GRAMD1B: variants seen among roughly 807,000 people sequenced by gnomAD.
GRAMD1B encodes the protein GRAM domain containing 1B.
Under a neutral mutation model 99.7 loss-of-function variants are expected in GRAMD1B, and 37 were observed. That is an observed-to-expected ratio of 0.37 (90% CI 0.29 to 0.49). The LOEUF is 0.49. Among genes scored for constraint, GRAMD1B ranks in the 20% least tolerant of loss-of-function variants. The pLI, the probability that GRAMD1B is intolerant of heterozygous loss-of-function variation, is 0.98. For missense variants in GRAMD1B, 888 were observed against 1,009.2 expected (o/e 0.88, Z 1.63); for synonymous variants, 427 against 387.6 (o/e 1.10, Z -1.19).
Position 123,610,342 on chromosome 11 carries a change from T to C in GRAMD1B, c.1919+4T>C. The C allele has an allele frequency of 6.2e-7, 1 of 1,613,758 alleles. No individual in the cohort carries two copies. Among genetic ancestry groups the C allele is most frequent in the Non-Finnish European group, 8.5e-7 (1 of 1,179,778 alleles). ...CTCGGAACAAGAGCCGACTCAGGTG[T>C]GGTGTGTGGAAGTCCCAGTGCGGTC... On this transcript the variant is annotated splice_donor_region_variant and intron_variant, in intron 14 of 19. Coordinates refer to ENST00000635736, the MANE Select transcript of GRAMD1B (RefSeq NM_001387025.1). The surrounding 1 kb of genome is among the most constrained non-coding windows in gnomAD (Gnocchi z 4.1).
chr11:123,502,699 C>T (rs540776414), intron 2 of GRAMD1B, among the ~76,000 whole-genome samples: 12 of 147,858 alleles, frequency 8.1e-5, no homozygotes, highest in African/African-American at 2.2e-4. Context: ...TGCTTGAACC[C>T]GGGAGGCGGA....
In GRAMD1B at chr11:123,587,972, T is replaced by A. The variant is rs140515495; in HGVS notation, c.684+3640T>A. Among the ~76,000 whole-genome samples, 1 of 152,104 alleles carries A rather than the reference T, an allele frequency of 6.6e-6. No individual in the cohort carries two copies. Among genetic ancestry groups the A allele is most frequent in the East Asian group, 1.9e-4 (1 of 5,156 alleles). On this transcript the variant is annotated intron_variant, in intron 4 of 19. Transcript: ENST00000635736. This position sits in a 1 kb window ranked among gnomAD's most constrained non-coding sequence, Gnocchi z 4.2. Reference sequence around the variant, plus strand: ...TGAAGGGTCTTCCTGCCTCCCTTCCTGAGTTTTTCAGATGAGCCCCCAGCC... The same window carrying A: ...TGAAGGGTCTTCCTGCCTCCCTTCCAGAGTTTTTCAGATGAGCCCCCAGCC...
In GRAMD1B at chr11:123,627,147, G is replaced by T. The variant is rs970387780; in HGVS notation, c.*4552G>T. On this transcript the variant is annotated 3_prime_UTR_variant, in exon 20 of 20. Coordinates refer to ENST00000635736, the MANE Select transcript of GRAMD1B (RefSeq NM_001387025.1). ...GCTGACGATCTCCCCAACATCTGAA[G>T]GCTTAAAGAACATTGTCGTTCTTCA... 4 of 152,220 alleles carry T rather than the reference G, an allele frequency of 2.6e-5. No homozygotes were observed. Among genetic ancestry groups the T allele is most frequent in the African/African-American group, 9.7e-5 (4 of 41,438 alleles). 9.4% of individuals were successfully genotyped at this position (152,220 alleles called of 1,614,324 possible).
intron 2 of GRAMD1B, among the ~76,000 whole-genome samples, chr11:123,522,594 C>T (rs1246378765): frequency 1.3e-5 from 2 of 152,208 alleles, no homozygotes; most frequent in Admixed American, 6.5e-5. Flanking sequence ...GCTAGGATTA[C>T]AGGTGTGAGC....
intron 1 of GRAMD1B, among the ~76,000 whole-genome samples, chr11:123,472,192 C>T (rs546630807): frequency 1.3e-5 from 2 of 150,010 alleles, no homozygotes; most frequent in African/African-American, 2.5e-5. Flanking sequence ...CATGCCACTG[C>T]ACTCCAGCCT....
intron 1 of GRAMD1B, among the ~76,000 whole-genome samples, chr11:123,435,128 C>T (rs551369436): frequency 6.6e-6 from 1 of 152,330 alleles, no homozygotes; most frequent in South Asian, 2.1e-4. Context: ...TGGAGCAGCA[C>T]CTGAGCCTCC....
At chr11:123,617,578 T>C (rs12224033) in intron 17 of GRAMD1B, among the ~76,000 whole-genome samples, 37,591 of 151,592 alleles carry the variant, frequency 0.25, 5,318 homozygotes, top group South Asian at 0.43. Flanking sequence ...GTAGGGCCTG[T>C]GGTGTGCCGG....
chr11:123,363,589 T>TTG lies in GRAMD1B; in HGVS notation c.-176+4791_-176+4792insGT, dbSNP rs201205578. Among the ~76,000 whole-genome samples the TTG allele has an allele frequency of 5.8e-3, 879 of 152,104 alleles. 6 individuals are homozygous for TTG. The highest frequency in any genetic ancestry group is 0.02 in the African/African-American group (834 of 41,386). ...CTCATACTTTTTTTTTGTTTGTTTT[T>TTG]TTTTGGCACTGGGTTTGGTTCCAGA... On this transcript the variant is annotated intron_variant, in intron 1 of 20. Coordinates refer to the GRAMD1B transcript ENST00000638157.
intron 4 of GRAMD1B, among the ~76,000 whole-genome samples, chr11:123,590,002 C>T (rs1251570509): frequency 6.6e-6 from 1 of 152,196 alleles, no homozygotes; most frequent in Non-Finnish European, 1.5e-5. Flanking sequence ...TGTCTCATCC[C>T]TGTCCCTAGC....
chr11:123,611,677 G>A (rs942493553), intron 14 of GRAMD1B, among the ~76,000 whole-genome samples: 1 of 152,156 alleles, frequency 6.6e-6, no homozygotes. Flanking sequence ...GCCATGCAGA[G>A]GTAGCTGGGT....
At chr11:123,410,689 AG>A (rs1948015641) in intron 1 of GRAMD1B, among the ~76,000 whole-genome samples, 1 of 152,144 alleles carries the variant, frequency 6.6e-6, no homozygotes, top group Non-Finnish European at 1.5e-5. Context: ...GTTTGAGGAA[AG>A]ACAAAGAAGA....
chr11:123,516,576 T>C (rs530514678), intron 2 of GRAMD1B, among the ~76,000 whole-genome samples: 1 of 152,336 alleles, frequency 6.6e-6, no homozygotes, highest in Non-Finnish European at 1.5e-5. Context: ...TTTTTCTGGC[T>C]CTTTTGTGTT....
chr11:123,439,768 C>A (rs1180982902), intron 1 of GRAMD1B, among the ~76,000 whole-genome samples: 1 of 152,142 alleles, frequency 6.6e-6, no homozygotes, highest in Non-Finnish European at 1.5e-5. Context: ...CTGCAGCAGC[C>A]TCATTCTTTT....
rs907986597 is a variant in GRAMD1B at position 123,591,897 on chromosome 11, C to T, written c.685-2185C>T. On this transcript the variant is annotated intron_variant, in intron 4 of 19. Transcript: ENST00000635736. This position sits in a 1 kb window ranked among gnomAD's most constrained non-coding sequence, Gnocchi z 4.7. ...CTGGATTCACTCTCCCCTCTCCCTG[C>T]CACTGCTACAGCTTTGTTTTAAGGA... 7.2e-5 allele frequency among the ~76,000 whole-genome samples: 11 copies of T among 152,204 alleles called. No homozygotes were observed. Among genetic ancestry groups the T allele is most frequent in the Admixed American group, 3.3e-4 (5 of 15,280 alleles).
At chr11:123,553,383 T>G (rs1945818161) in intron 2 of GRAMD1B, among the ~76,000 whole-genome samples, 1 of 148,216 alleles carries the variant, frequency 6.7e-6, no homozygotes, top group South Asian at 2.1e-4. Context: ...GCTAAGTGTG[T>G]TTATTCTGCT....
intron 1 of GRAMD1B, among the ~76,000 whole-genome samples, chr11:123,361,082 C>T (rs577825428): frequency 6.6e-6 from 1 of 152,222 alleles, no homozygotes; most frequent in African/African-American, 2.4e-5. Flanking sequence ...TCCCAAAGTG[C>T]TGGGATTACA....
chr11:123,609,520 C>CCGTAG (rs1440472842), intron 12 of GRAMD1B, among the ~76,000 whole-genome samples: 3 of 152,166 alleles, frequency 2.0e-5, no homozygotes, highest in Non-Finnish European at 4.4e-5. Flanking sequence ...GCCAGCACCC[C>CCGTAG]CGTAGGTGGC....
In GRAMD1B at chr11:123,510,664, A is replaced by T. The variant is rs1240925560; in HGVS notation, c.452+29771A>T. 6.6e-6 allele frequency among the ~76,000 whole-genome samples: 1 copy of T among 152,170 alleles called. No individual in the cohort carries two copies. Among genetic ancestry groups the T allele is most frequent in the Non-Finnish European group, 1.5e-5 (1 of 68,030 alleles). ...CCGCTGCTCCTTAGGCCAAGCAGAGATCATGGAGCCGGCTGACATGGCGAC... is the reference window on the plus strand; with the variant it reads ...CCGCTGCTCCTTAGGCCAAGCAGAGTTCATGGAGCCGGCTGACATGGCGAC... On this transcript the variant is annotated intron_variant, in intron 2 of 19. Transcript: ENST00000635736. This position sits in a 1 kb window ranked among gnomAD's most constrained non-coding sequence, Gnocchi z 4.3.
At chr11:123,532,005 G>A (rs568068787) in intron 2 of GRAMD1B, among the ~76,000 whole-genome samples, 1 of 152,250 alleles carries the variant, frequency 6.6e-6, no homozygotes, top group South Asian at 2.1e-4. Context: ...CCAAAGTGCT[G>A]GGATTACAGG....
Sources: allele counts gnomAD v4.1 joint callset (sites outside exome capture counted in the v4.1 genomes callset), GRCh38; gene constraint gnomAD v4.1.1; non-coding constraint Gnocchi (gnomAD v3.1); transcripts MANE v1.5; gene names NCBI Gene and HGNC (gene_info 2026-07-23, HGNC 2026-07-21).